FAM3B: variants seen among roughly 807,000 people sequenced by gnomAD.
FAM3B encodes FAM3 metabolism regulating signaling molecule B.
A neutral mutation model predicts 28.4 loss-of-function variants in FAM3B; 29 were observed. The observed-to-expected ratio is 1.02, with a 90% confidence interval of 0.76 to 1.39. FAM3B has a LOEUF of 1.39. Ranked by LOEUF, FAM3B falls within the 40% of genes most tolerant of loss-of-function variation. The pLI is 0.00. For missense variants in FAM3B, 266 were observed against 293.9 expected, an observed-to-expected ratio of 0.91 and a Z score of 0.69; for synonymous variants, 91 against 103.0, an observed-to-expected ratio of 0.88 and a Z score of 0.71.
chr21:41,331,832 G>T (rs1252733029), intron 2 of FAM3B, among the ~76,000 whole-genome samples: 1 of 152,142 alleles, frequency 6.6e-6, no homozygotes, highest in Non-Finnish European at 1.5e-5. Context: ...TCTGTTTTCT[G>T]TCTAAACCAT....
At chr21:41,322,525 G>A in intron 1 of FAM3B, 2 of 706,234 alleles carry the variant, frequency 2.8e-6, no homozygotes, top group Non-Finnish European at 5.3e-6. Context: ...CAATGTAATT[G>A]CAGGAGCGTG....
rs147113926 is a variant in FAM3B, at chr21:41,339,885, A to G, written c.287+1384A>G. Among the ~76,000 whole-genome samples, 349 of 152,320 alleles carry G rather than the reference A, an allele frequency of 2.3e-3. 4 individuals carry two copies. Among genetic ancestry groups the G allele is most frequent in the African/African-American group, 7.5e-3 (311 of 41,586 alleles). On this transcript the variant is annotated intron_variant, in intron 3 of 7. Transcript: ENST00000357985. ...TTGGCTCATGCAATTATGGAGGCCA[A>G]GAGGTCCCACGACAGGCCATCTGCA...
intron 7 of FAM3B, among the ~76,000 whole-genome samples, chr21:41,355,896 C>CA (rs2089160759): frequency 6.6e-6 from 1 of 152,070 alleles, no homozygotes; most frequent in African/African-American, 2.4e-5. Flanking sequence ...AGGTTATTAA[C>CA]AAAATGCACC....
intron 7 of FAM3B, among the ~76,000 whole-genome samples, chr21:41,350,647 C>G (rs2089110061): frequency 6.6e-6 from 1 of 152,230 alleles, no homozygotes; most frequent in Non-Finnish European, 1.5e-5. Flanking sequence ...GTGCGCAGGA[C>G]AACTGAACCA....
intron 2 of FAM3B, among the ~76,000 whole-genome samples, chr21:41,333,944 A>G (rs1181201636): frequency 6.6e-6 from 1 of 152,194 alleles, no homozygotes; most frequent in African/African-American, 2.4e-5. Context: ...GGTCACTTTT[A>G]TTATACCTTA....
intron 3 of FAM3B, among the ~76,000 whole-genome samples, chr21:41,339,467 C>T (rs1238416372): frequency 2.6e-5 from 4 of 152,134 alleles, no homozygotes; most frequent in Non-Finnish European, 5.9e-5. Context: ...GATAGGGTTC[C>T]TCCTAAGCAC....
intron 3 of FAM3B, among the ~76,000 whole-genome samples, chr21:41,343,882 C>G (rs2089029987): frequency 6.6e-6 from 1 of 152,190 alleles, no homozygotes; most frequent in Non-Finnish European, 1.5e-5. Context: ...CTTTGGGAGG[C>G]TGAGGCGGGC....
At chr21:41,350,095 G>T (rs1461716165) in intron 7 of FAM3B, among the ~76,000 whole-genome samples, 1 of 152,216 alleles carries the variant, frequency 6.6e-6, no homozygotes, top group Admixed American at 6.5e-5. Flanking sequence ...CCACACAATA[G>T]TGAAGCCGGG....
chr21:41,322,853 G>A (rs775452854), intron 1 of FAM3B, 70 bp from the exon 2 acceptor site: 10 of 1,613,018 alleles, frequency 6.2e-6, no homozygotes, highest in East Asian at 2.2e-5. Flanking sequence ...CCACAGGGGG[G>A]ATGGGGAGGG....
intron 5 of FAM3B, 109 bp downstream of exon 5, chr21:41,345,845 G>A (rs1443191706): frequency 4.2e-6 from 3 of 716,734 alleles, no homozygotes; most frequent in African/African-American, 1.8e-5. Context: ...CTAGAAAAAC[G>A]CCAGCAGCTC....
chr21:41,306,772 T>A (rs890619484), intron 1 of FAM3B, among the ~76,000 whole-genome samples: 1 of 152,160 alleles, frequency 6.6e-6, no homozygotes, highest in African/African-American at 2.4e-5. Context: ...TTTTATAGAT[T>A]TGGGGGTATA....
rs1363116054 is a variant in FAM3B, at chr21:41,357,232, A to C, written c.*35A>C. On this transcript the variant is annotated 3_prime_UTR_variant, in exon 8 of 8. Coordinates refer to ENST00000357985, the MANE Select transcript of FAM3B (RefSeq NM_058186.4). ...GTCCTGAGTAAATGTGTTCTGTATA[A>C]ACAAATGCAGCTGGAATCGCTCAAG... is the stretch of plus-strand genomic sequence containing the variant. 6.9e-7 allele frequency: 1 copy of C among 1,445,344 alleles called. No individual in the cohort carries two copies. Among genetic ancestry groups the C allele is most frequent in the East Asian group, 2.3e-5 (1 of 43,624 alleles). 89.5% of individuals were successfully genotyped at this position (1,445,344 alleles called of 1,614,324 possible).
intron 1 of FAM3B, among the ~76,000 whole-genome samples, chr21:41,318,757 C>T (rs1385873696): frequency 6.6e-6 from 1 of 152,224 alleles, no homozygotes; most frequent in Non-Finnish European, 1.5e-5. Context: ...GTCAATAGAC[C>T]TGGGTCCTAG....
At chr21:41,323,578 C>T (rs1018296933) in intron 2 of FAM3B, among the ~76,000 whole-genome samples, 3 of 152,206 alleles carry the variant, frequency 2.0e-5, no homozygotes, top group Admixed American at 6.5e-5. Flanking sequence ...TTCTGTCCTT[C>T]CCCACAATCA....
chr21:41,315,875 A>G (rs1427978227), upstream of FAM3B, among the ~76,000 whole-genome samples: 1 of 152,168 alleles, frequency 6.6e-6, no homozygotes, highest in Non-Finnish European at 1.5e-5. Context: ...AAGGCAGGGC[A>G]CCTTGGGCTT....
upstream of FAM3B, among the ~76,000 whole-genome samples, chr21:41,315,037 G>A (rs2088738259): frequency 6.6e-6 from 1 of 152,126 alleles, no homozygotes; most frequent in Non-Finnish European, 1.5e-5. Flanking sequence ...AGAAACCCAA[G>A]TGTCCGCGGA....
intron 1 of FAM3B, among the ~76,000 whole-genome samples, chr21:41,304,572 T>C (rs1285455814): frequency 6.6e-6 from 1 of 152,196 alleles, no homozygotes; most frequent in Non-Finnish European, 1.5e-5. Context: ...AGACAGGGGA[T>C]GGGGCTGCCT....
chr21:41,357,133 AC>A lies in FAM3B; in HGVS notation c.645del (p.Asn215LysfsTer12), dbSNP rs745479086. 1 of 1,613,314 alleles carries A rather than the reference AC, an allele frequency of 6.2e-7. No homozygotes were observed. The highest frequency in any genetic ancestry group is 1.7e-5 in the Admixed American group (1 of 59,888). ...ATCAACCACTCTGATGCTAAGAACA[AC>A]AGATATTCTGGCTGGCCTGCAGAGA... ...EKINHSDAKN[N>X]RYSGWPAEIQ... On this transcript the variant is annotated frameshift_variant, in exon 8 of 8. Transcript: ENST00000357985. LOFTEE classifies it high-confidence loss of function.
upstream of FAM3B, among the ~76,000 whole-genome samples, chr21:41,312,304 A>G (rs533532034): frequency 6.6e-6 from 1 of 152,222 alleles, no homozygotes; most frequent in African/African-American, 2.4e-5. Context: ...ATAATTTTGT[A>G]TAATGATTAT....
Sources: allele counts gnomAD v4.1 joint callset (sites outside exome capture counted in the v4.1 genomes callset), GRCh38; gene constraint gnomAD v4.1.1; transcripts MANE v1.5; gene names NCBI Gene and HGNC (gene_info 2026-07-23, HGNC 2026-07-21).